The following CHRM5 variants were observed in gnomAD, a reference collection of about 807,000 sequenced individuals.
The protein encoded by CHRM5 is cholinergic receptor muscarinic 5, also known as muscarinic acetylcholine receptor M5.
A neutral mutation model predicts 39.0 loss-of-function variants in CHRM5; 18 were observed. The ratio of observed to expected loss-of-function variants is 0.46; its 90% CI spans 0.32 to 0.68. The LOEUF is 0.68. Among genes scored for constraint, CHRM5 ranks in the 30% least tolerant of loss-of-function variants. CHRM5 has a pLI of 0.04. For synonymous variants in CHRM5, 241 were observed against 246.3 expected (o/e 0.98, Z 0.20); for missense variants, 515 against 651.1 (o/e 0.79, Z 2.28).
intron 1 of CHRM5, among the ~76,000 whole-genome samples, chr15:34,017,497 T>TTTTTG (rs1555516619): frequency 3.5e-4 from 47 of 133,382 alleles, no homozygotes; most frequent in Non-Finnish European, 6.1e-4. Flanking sequence ...TTTTTTTTTT[T>TTTTTG]TTTGAGACAG....
intron 2 of CHRM5, among the ~76,000 whole-genome samples, chr15:34,052,417 T>C (rs1020050637): frequency 1.3e-5 from 2 of 152,182 alleles, no homozygotes; most frequent in East Asian, 3.8e-4. Context: ...GCTGGAAGCA[T>C]TCCCCATGAA....
chr15:33,983,213 T>TGTATATAC (rs1896261815), intron 1 of CHRM5, among the ~76,000 whole-genome samples: 1 of 36,938 alleles, frequency 2.7e-5, no homozygotes, highest in Non-Finnish European at 5.2e-5. Flanking sequence ...TATATATATA[T>TGTATATAC]ACATATATAT....
Position 34,063,107 on chromosome 15 carries a change from T to C in CHRM5, c.390T>C (p.Phe130=), listed in dbSNP as rs1900404894. 1 of 1,614,202 alleles carries C rather than the reference T, an allele frequency of 6.2e-7. No individual in the cohort carries two copies. The highest frequency in any genetic ancestry group is 8.5e-7 in the Non-Finnish European group (1 of 1,180,030). The change falls in exon 3 of 3, where the codon TTT becomes TTC. Residue 130 remains phenylalanine, a synonymous_variant. Coordinates refer to ENST00000383263, the MANE Select transcript of CHRM5 (RefSeq NM_012125.4). This position sits in a 1 kb window ranked among gnomAD's most constrained non-coding sequence, Gnocchi z 4.1. ...TGGTGATCAGTTTTGACCGTTACTTTTCCATCACAAGACCCTTGACATATC... is the reference window on the plus strand; with the variant it reads ...TGGTGATCAGTTTTGACCGTTACTTCTCCATCACAAGACCCTTGACATATC... ...NLLVISFDRY[F]SITRPLTYRA...
Position 34,066,364 on chromosome 15 carries a change from G to A in CHRM5, c.*2048G>A, listed in dbSNP as rs945661245. ...AGAATAGGCTTTTAAGCCCATGTTGGGCATTCACCATTCGCAGTTGAGAGT... is the reference window on the plus strand; with the variant it reads ...AGAATAGGCTTTTAAGCCCATGTTGAGCATTCACCATTCGCAGTTGAGAGT... On this transcript the variant is annotated 3_prime_UTR_variant, in exon 3 of 3. Transcript: ENST00000383263. 2.0e-5 allele frequency: 3 copies of A among 152,216 alleles called. No homozygotes were observed. Among genetic ancestry groups the A allele is most frequent in the South Asian group, 4.1e-4 (2 of 4,832 alleles). 9.4% of individuals were successfully genotyped at this position (152,216 alleles called of 1,614,324 possible). A position where few individuals can be genotyped will look rare whatever the true frequency, so the allele number is the denominator to read the frequency against.
intron 1 of CHRM5, among the ~76,000 whole-genome samples, chr15:33,993,355 A>C (rs1896806167): frequency 6.6e-6 from 1 of 152,184 alleles, no homozygotes; most frequent in Non-Finnish European, 1.5e-5. Context: ...AAAGACTCAC[A>C]ATCTTACCAG....
chr15:34,050,186 C>G (rs768708472), intron 2 of CHRM5, among the ~76,000 whole-genome samples: 52 of 152,090 alleles, frequency 3.4e-4, no homozygotes, highest in South Asian at 8.3e-4. Flanking sequence ...CCATGCCTGG[C>G]CTCAACATTC....
At chr15:34,000,434 C>G (rs632591) in intron 1 of CHRM5, among the ~76,000 whole-genome samples, 122,485 of 152,102 alleles carry the variant, frequency 0.81, 49,561 homozygotes, top group East Asian at 1. Context: ...ACAGTACTAG[C>G]TATTTGCAGA....
intron 1 of CHRM5, among the ~76,000 whole-genome samples, chr15:34,004,025 T>C (rs189176665): frequency 1.5e-3 from 221 of 152,350 alleles, no homozygotes; most frequent in Non-Finnish European, 2.5e-3. Flanking sequence ...TCAGGTACTC[T>C]CTTAGCACTC....
At chr15:34,040,233 G>T (rs1001866633) in intron 1 of CHRM5, among the ~76,000 whole-genome samples, 1 of 152,114 alleles carries the variant, frequency 6.6e-6, no homozygotes, top group Non-Finnish European at 1.5e-5. Context: ...TAATCTAGTC[G>T]TGTGAATAGA....
chr15:34,051,161 G>A (rs757142487), intron 2 of CHRM5, among the ~76,000 whole-genome samples: 15 of 152,128 alleles, frequency 9.9e-5, no homozygotes, highest in Non-Finnish European at 1.6e-4. Context: ...AGACCACAGC[G>A]CAATCAAATT....
intron 2 of CHRM5, among the ~76,000 whole-genome samples, chr15:34,053,160 C>T (rs1337798814): frequency 6.6e-6 from 1 of 151,146 alleles, no homozygotes; most frequent in Non-Finnish European, 1.5e-5. Context: ...ATTATCCAGA[C>T]ATGGTGGTGG....
intron 1 of CHRM5, among the ~76,000 whole-genome samples, chr15:34,015,986 C>A (rs138946721): frequency 6.6e-6 from 1 of 152,102 alleles, no homozygotes; most frequent in African/African-American, 2.4e-5. Flanking sequence ...TGACATAAAA[C>A]TGGAAAGCGG....
chr15:34,045,052 A>G (rs1001827126), intron 1 of CHRM5, among the ~76,000 whole-genome samples: 2 of 152,218 alleles, frequency 1.3e-5, no homozygotes, highest in African/African-American at 2.4e-5. Context: ...TGTCTCAAAA[A>G]TTAGTAATAA....
rs144062769 is a variant in CHRM5, at chr15:34,027,135, A to T, written c.-407-19405A>T. Reference sequence around the variant, plus strand: ...TGCAAAGTAGCCAAAGACTCACAAAAGTCCAAGGAGTGTTTATTTAAAACA... The same window carrying T: ...TGCAAAGTAGCCAAAGACTCACAAATGTCCAAGGAGTGTTTATTTAAAACA... On this transcript the variant is annotated intron_variant, in intron 1 of 2. Transcript: ENST00000383263. Among the ~76,000 whole-genome samples, 499 of 152,282 alleles carry T rather than the reference A, an allele frequency of 3.3e-3. 1 individual carries two copies. The highest frequency in any genetic ancestry group is 0.012 in the African/African-American group (484 of 41,534).
chr15:34,005,395 G>A (rs538957196), intron 1 of CHRM5, among the ~76,000 whole-genome samples: 5 of 152,144 alleles, frequency 3.3e-5, no homozygotes. Context: ...ACAAGGCCAG[G>A]CTAGGTCTGT....
intron 1 of CHRM5, among the ~76,000 whole-genome samples, chr15:33,992,515 T>C (rs1334650414): frequency 6.6e-6 from 1 of 152,260 alleles, no homozygotes; most frequent in East Asian, 1.9e-4. Flanking sequence ...AAAATTTTTT[T>C]AGCCCTGTCA....
chr15:34,017,608 T>A (rs1169175412), intron 1 of CHRM5, among the ~76,000 whole-genome samples: 2 of 151,150 alleles, frequency 1.3e-5, no homozygotes, highest in Admixed American at 1.3e-4. Context: ...GTCTCTCAAG[T>A]AGCTGTGACT....
At chr15:33,977,065 T>C (rs752899420) in intron 1 of CHRM5, among the ~76,000 whole-genome samples, 2 of 152,176 alleles carry the variant, frequency 1.3e-5, no homozygotes, top group African/African-American at 4.8e-5. Context: ...ATATCTTGTA[T>C]AGAAAAAAAT....
intron 1 of CHRM5, among the ~76,000 whole-genome samples, chr15:34,034,440 CTTT>C (rs35115548): frequency 2.6e-4 from 23 of 88,460 alleles, no homozygotes; most frequent in Admixed American, 1.1e-3. Context: ...GACCCAGTTT[CTTT>C]TTTAAAAAAA....
Sources: gnomAD v4.1 joint callset for allele counts (sites outside exome capture counted in the v4.1 genomes callset) on GRCh38, gnomAD v4.1.1 for gene constraint, Gnocchi (gnomAD v3.1) non-coding constraint, MANE v1.5 for transcripts, NCBI Gene and HGNC (gene_info 2026-07-23, HGNC 2026-07-21) for gene names.